The following MAPKAP1 variants were observed in gnomAD, a reference collection of about 807,000 sequenced individuals.
The protein encoded by MAPKAP1 is target of rapamycin complex 2 subunit MAPKAP1.
In MAPKAP1, 20 loss-of-function variants were observed where a neutral mutation model predicts 65.7. The observed-to-expected ratio is 0.30, with a 90% CI of 0.21 to 0.44. The LOEUF is 0.44. MAPKAP1 is among the 20% of genes least tolerant of loss of function. MAPKAP1 has a pLI of 1.00. For missense variants in MAPKAP1, 423 were observed against 648.0 expected (o/e 0.65, Z 3.77); for synonymous variants, 222 against 244.3 (o/e 0.91, Z 0.85).
At chr9:125,693,560 C>A (rs762171918) in intron 1 of MAPKAP1, among the ~76,000 whole-genome samples, 1 of 150,064 alleles carries the variant, frequency 6.7e-6, no homozygotes, top group Admixed American at 6.7e-5. Flanking sequence ...TATACACACA[C>A]ATATATACAT....
intron 10 of MAPKAP1, among the ~76,000 whole-genome samples, chr9:125,458,856 CTA>C (rs1853316922): frequency 3.3e-5 from 1 of 29,982 alleles, no homozygotes; most frequent in East Asian, 1.2e-3. Context: ...CTGACCCCCC[CTA>C]CCTCCCTCCC....
At chr9:125,451,289 G>A (rs774233441) in intron 10 of MAPKAP1, among the ~76,000 whole-genome samples, 5 of 152,274 alleles carry the variant, frequency 3.3e-5, no homozygotes, top group African/African-American at 1.2e-4. Context: ...TGGAGGCACG[G>A]TCACCTGATT....
intron 1 of MAPKAP1, among the ~76,000 whole-genome samples, chr9:125,700,315 T>C (rs780255965): frequency 2.0e-5 from 3 of 152,198 alleles, no homozygotes; most frequent in Non-Finnish European, 4.4e-5. Flanking sequence ...AATGAGTCCA[T>C]AAGGAACTGG....
intron 4 of MAPKAP1, among the ~76,000 whole-genome samples, chr9:125,641,886 G>C (rs914458210): frequency 6.6e-6 from 1 of 152,110 alleles, no homozygotes; most frequent in Non-Finnish European, 1.5e-5. Flanking sequence ...ACAAAAATTA[G>C]CCAGGCATGG....
At position 125,672,382 on chromosome 9, in the gene MAPKAP1, C is replaced by T; in HGVS notation, c.193G>A (p.Val65Ile). 2.5e-6 allele frequency: 4 copies of T among 1,613,946 alleles called. No individual in the cohort carries two copies. Among genetic ancestry groups the T allele is most frequent in the Non-Finnish European group, 3.4e-6 (4 of 1,179,802 alleles). Residue 65 changes from valine to isoleucine, a missense_variant, in exon 2 of 12, where the codon GTA (valine) becomes ATA (isoleucine). Val to Ile is a conservative substitution (Grantham distance 29). Coordinates refer to ENST00000265960, the MANE Select transcript of MAPKAP1 (RefSeq NM_001006617.3). ...QGSNGETQGY[V>I]YAQSVDITSS... ...GTAATATCGACTGACTGGGCATATA[C>T]ATAGCCCTGAGTCTCACCATTGCTT...
chr9:125,692,648 C>T (rs548063430), intron 1 of MAPKAP1, among the ~76,000 whole-genome samples: 7 of 151,990 alleles, frequency 4.6e-5, no homozygotes, highest in Middle Eastern at 3.4e-3. Flanking sequence ...TTATGGTATG[C>T]GAATTATATC....
chr9:125,640,354 C>T (rs1040686328), intron 4 of MAPKAP1, among the ~76,000 whole-genome samples: 5 of 152,090 alleles, frequency 3.3e-5, no homozygotes, highest in African/African-American at 7.2e-5. Context: ...CCGCCCGCCT[C>T]GGCCTCCCAA....
At chr9:125,655,367 CA>C (rs1412424391) in intron 4 of MAPKAP1, among the ~76,000 whole-genome samples, 1 of 152,134 alleles carries the variant, frequency 6.6e-6, no homozygotes, top group South Asian at 2.1e-4. Context: ...GCTTTATTAT[CA>C]AGGGGTTGAC....
chr9:125,643,899 T>C (rs1345728853), intron 4 of MAPKAP1, among the ~76,000 whole-genome samples: 1 of 152,226 alleles, frequency 6.6e-6, no homozygotes. Context: ...TTCTATACTA[T>C]TGTTGTTTCA....
At chr9:125,620,161 T>C (rs1165432099) in intron 4 of MAPKAP1, among the ~76,000 whole-genome samples, 1 of 152,072 alleles carries the variant, frequency 6.6e-6, no homozygotes. Context: ...ATGCAAAAAT[T>C]ATCTGGGTGT....
At chr9:125,571,997 T>C (rs1014158035) in intron 5 of MAPKAP1, among the ~76,000 whole-genome samples, 4 of 152,234 alleles carry the variant, frequency 2.6e-5, no homozygotes, top group African/African-American at 9.6e-5. Flanking sequence ...ATTTGGAGCA[T>C]ATTTGTTTCT....
At chr9:125,511,884 G>A (rs986371718) in intron 7 of MAPKAP1, among the ~76,000 whole-genome samples, 2 of 152,150 alleles carry the variant, frequency 1.3e-5, no homozygotes, top group Non-Finnish European at 2.9e-5. Flanking sequence ...ACTCTGCAGC[G>A]ACGGGAAAAC....
At chr9:125,704,992 G>T (rs1835714874) in intron 1 of MAPKAP1, among the ~76,000 whole-genome samples, 1 of 152,158 alleles carries the variant, frequency 6.6e-6, no homozygotes, top group East Asian at 1.9e-4. Flanking sequence ...ACCAGGAATT[G>T]AATCCAGAGT....
rs929667187 is a variant in MAPKAP1 at position 125,468,206 on chromosome 9, T to C, written c.1208-97A>G. 8.5e-6 allele frequency: 11 copies of C among 1,296,664 alleles called. No homozygotes were observed. In the Admixed American group the frequency reaches 2.2e-4, roughly 26 times the overall value. The allele number at this position is 1,296,664 out of a possible 1,614,324, so 80.3% of individuals were successfully genotyped here. ...TTGACCTGTTTTATAAATCTGAAAT[T>C]GCATGAACGTGAGCTCTTTCTTAGG... On this transcript the variant is annotated intron_variant, in intron 9 of 11. Transcript: ENST00000265960.
intron 1 of MAPKAP1, among the ~76,000 whole-genome samples, chr9:125,684,710 T>C (rs1360932370): frequency 1.3e-5 from 2 of 152,156 alleles, no homozygotes; most frequent in Admixed American, 1.3e-4. Flanking sequence ...CTTTTCACCC[T>C]TCTTCCCCTG....
chr9:125,560,592 T>A (rs929356389), intron 5 of MAPKAP1, among the ~76,000 whole-genome samples: 1 of 151,982 alleles, frequency 6.6e-6, no homozygotes, highest in Non-Finnish European at 1.5e-5. Flanking sequence ...CTCAAAAAAA[T>A]AAAATTAAAA....
intron 11 of MAPKAP1, among the ~76,000 whole-genome samples, chr9:125,441,033 A>G (rs1385714044): frequency 2.6e-5 from 4 of 152,242 alleles, no homozygotes; most frequent in African/African-American, 4.8e-5. Context: ...GTAATAATCA[A>G]AAGATAAAAA....
intron 9 of MAPKAP1, among the ~76,000 whole-genome samples, chr9:125,476,370 C>T (rs1340535774): frequency 1.3e-5 from 2 of 151,954 alleles, no homozygotes; most frequent in African/African-American, 4.8e-5. Flanking sequence ...CTGAACGGAC[C>T]CAGGGATTTG....
chr9:125,526,040 C>T (rs1019315511), intron 7 of MAPKAP1, among the ~76,000 whole-genome samples: 4 of 152,244 alleles, frequency 2.6e-5, no homozygotes, highest in South Asian at 4.1e-4. Flanking sequence ...GAACAGAGAA[C>T]AATGGCTGGC....
Sources: allele counts gnomAD v4.1 joint callset (sites outside exome capture counted in the v4.1 genomes callset), GRCh38; gene constraint gnomAD v4.1.1; transcripts MANE v1.5; gene names NCBI Gene and HGNC (gene_info 2026-07-23, HGNC 2026-07-21).